Variants in TMIGD3 observed in about 807,000 individuals in gnomAD.
TMIGD3 encodes AD026 protein (AD026).
In TMIGD3, 21 loss-of-function variants were observed where a neutral mutation model predicts 28.1. The observed-to-expected ratio is 0.75, with a 90% CI of 0.53 to 1.08. TMIGD3 has a LOEUF of 1.08. TMIGD3 is among the 50% of genes least tolerant of loss of function. TMIGD3 has a pLI of 0.00. For synonymous variants in TMIGD3, 151 were observed against 162.1 expected, an observed-to-expected ratio of 0.93 and a Z score of 0.52; for missense variants, 416 against 435.6, an observed-to-expected ratio of 0.96 and a Z score of 0.40.
At chr1:111,525,846 A>G (rs1382018186) in intron 1 of TMIGD3, among the ~76,000 whole-genome samples, 2 of 152,230 alleles carry the variant, frequency 1.3e-5, no homozygotes, top group African/African-American at 4.8e-5. Context: ...CCTGAGAGAC[A>G]GAGCGAGACT....
intron 1 of TMIGD3, among the ~76,000 whole-genome samples, chr1:111,554,227 T>C (rs893496846): frequency 7.9e-5 from 12 of 152,164 alleles, no homozygotes; most frequent in African/African-American, 2.7e-4. Flanking sequence ...CATAAAAACA[T>C]AGATCAAGTT....
chr1:111,517,187 C>G (rs959227462), intron 1 of TMIGD3, among the ~76,000 whole-genome samples: 2 of 152,222 alleles, frequency 1.3e-5, no homozygotes, highest in African/African-American at 4.8e-5. Context: ...GAGGAACCCT[C>G]GATAAAGTCT....
intron 1 of TMIGD3, among the ~76,000 whole-genome samples, chr1:111,557,260 T>TA (rs1440050513): frequency 6.6e-6 from 1 of 152,080 alleles, no homozygotes; most frequent in African/African-American, 2.4e-5. Flanking sequence ...TTAAAAATCT[T>TA]ACAGAAGGCC....
rs529928933 is a variant in TMIGD3, at chr1:111,499,993, G to A, written c.350+3012C>T. ...AATGCTTGTGTCCAAAGAATCAGAG[G>A]GATGGCAGACCACACAAGCTTTGAG... On this transcript the variant is annotated intron_variant, in intron 1 of 5. Transcript: ENST00000369716. 45 of 1,614,084 alleles carry A rather than the reference G, an allele frequency of 2.8e-5. 1 individual carries two copies. In the South Asian group the frequency reaches 4.2e-4, roughly 15 times the overall value.
At chr1:111,535,800 ACAAT>A (rs1413119724) in intron 1 of TMIGD3, among the ~76,000 whole-genome samples, 2 of 152,226 alleles carry the variant, frequency 1.3e-5, no homozygotes, top group African/African-American at 4.8e-5. Flanking sequence ...CCAACAGAGA[ACAAT>A]CAAAAGGAAT....
intron 1 of TMIGD3, among the ~76,000 whole-genome samples, chr1:111,530,467 C>T (rs545528461): frequency 2.0e-5 from 3 of 152,022 alleles, no homozygotes; most frequent in Non-Finnish European, 2.9e-5. Context: ...TTCCTTCTGC[C>T]AATAGAACTT....
chr1:111,490,286 G>A (rs146216801), intron 2 of TMIGD3: 12 of 186,946 alleles, frequency 6.4e-5, no homozygotes, highest in Admixed American at 1.7e-4. Context: ...CAGAGCTCTC[G>A]TTTTATTTTA....
chr1:111,502,986 A>T lies in TMIGD3; in HGVS notation c.350+19T>A. 2 of 1,608,734 alleles carry T rather than the reference A, an allele frequency of 1.2e-6. No homozygotes were observed. Among genetic ancestry groups the T allele is most frequent in the Non-Finnish European group, 1.7e-6 (2 of 1,176,254 alleles). Reference sequence around the variant, plus strand: ...TTCCCAGCTGCCTCAATTGCTGCCCACCCCACGCCGCAGGCTACCTGACGG... The same window carrying T: ...TTCCCAGCTGCCTCAATTGCTGCCCTCCCCACGCCGCAGGCTACCTGACGG... On this transcript the variant is annotated intron_variant, in intron 1 of 5. Transcript: ENST00000369716.
intron 1 of TMIGD3, among the ~76,000 whole-genome samples, chr1:111,559,892 T>C (rs894718669): frequency 1.3e-5 from 2 of 152,204 alleles, no homozygotes; most frequent in South Asian, 4.1e-4. Flanking sequence ...TCTACTCTCA[T>C]GTATGCCTTG....
intron 1 of TMIGD3, among the ~76,000 whole-genome samples, chr1:111,529,252 G>T (rs907299613): frequency 2.0e-5 from 3 of 151,918 alleles, no homozygotes; most frequent in Admixed American, 6.5e-5. Context: ...GACTTTCCAA[G>T]CAGGAAGGGG....
At chr1:111,521,233 T>A (rs1327942498) in intron 1 of TMIGD3, among the ~76,000 whole-genome samples, 1 of 152,208 alleles carries the variant, frequency 6.6e-6, no homozygotes, top group African/African-American at 2.4e-5. Flanking sequence ...CTATTACAAA[T>A]AAAGTTGTCA....
intron 1 of TMIGD3, among the ~76,000 whole-genome samples, chr1:111,537,278 G>A (rs1354179318): frequency 6.6e-6 from 1 of 152,168 alleles, no homozygotes; most frequent in African/African-American, 2.4e-5. Context: ...CCTGGATTCT[G>A]AGCTTTCTGA....
upstream of TMIGD3, among the ~76,000 whole-genome samples, chr1:111,505,596 C>A (rs1655458699): frequency 6.6e-6 from 1 of 152,202 alleles, no homozygotes; most frequent in African/African-American, 2.4e-5. Flanking sequence ...AGATTGAAAA[C>A]CAAAAGGCAA....
chr1:111,530,938 C>T (rs79963936), intron 1 of TMIGD3, among the ~76,000 whole-genome samples: 12,846 of 152,296 alleles, frequency 0.084, 653 homozygotes, highest in Middle Eastern at 0.17. Context: ...TATTTCTCCT[C>T]TCCTTTAGAG....
intron 1 of TMIGD3, among the ~76,000 whole-genome samples, chr1:111,540,577 C>T (rs1268936119): frequency 6.6e-6 from 1 of 152,186 alleles, no homozygotes; most frequent in Non-Finnish European, 1.5e-5. Flanking sequence ...TCAGCTTGTT[C>T]CTCCTCCTTT....
intron 1 of TMIGD3, among the ~76,000 whole-genome samples, chr1:111,540,702 T>C (rs1460472212): frequency 1.3e-5 from 2 of 152,152 alleles, no homozygotes; most frequent in Admixed American, 1.3e-4. Context: ...CATCTCACAA[T>C]TGTGTAAGGT....
chr1:111,540,417 C>T (rs368919636), intron 1 of TMIGD3, among the ~76,000 whole-genome samples: 3 of 152,362 alleles, frequency 2.0e-5, no homozygotes, highest in East Asian at 3.9e-4. Context: ...CTTCCTTCAG[C>T]TTTTCTAACT....
At chr1:111,499,995 A>G in intron 1 of TMIGD3, 1 of 1,614,188 alleles carries the variant, frequency 6.2e-7, no homozygotes, top group Non-Finnish European at 8.5e-7. Flanking sequence ...AATCAGAGGG[A>G]TGGCAGACCA....
chr1:111,556,815 T>G (rs1295354877), intron 1 of TMIGD3, among the ~76,000 whole-genome samples: 1 of 152,070 alleles, frequency 6.6e-6, no homozygotes, highest in Non-Finnish European at 1.5e-5. Flanking sequence ...TGGGGATGAA[T>G]GGTAGTAATG....
Sources: gnomAD v4.1 joint callset for allele counts (sites outside exome capture counted in the v4.1 genomes callset) on GRCh38, gnomAD v4.1.1 for gene constraint, MANE v1.5 for transcripts, NCBI Gene and HGNC (gene_info 2026-07-23, HGNC 2026-07-21) for gene names.